The following GDPD4 variants were observed in gnomAD, a reference collection of about 807,000 sequenced individuals.
GDPD4 encodes the protein glycerophosphodiester phosphodiesterase 6.
A neutral mutation model predicts 67.8 loss-of-function variants in GDPD4; 60 were observed. The ratio of observed to expected loss-of-function variants is 0.88; its 90% CI spans 0.72 to 1.10. The LOEUF is 1.10. Among genes scored for constraint, GDPD4 ranks in the 50% least tolerant of loss-of-function variants. The pLI is 0.00. For missense variants in GDPD4, 623 were observed against 613.9 expected (o/e 1.01, Z -0.16); for synonymous variants, 212 against 210.9 (o/e 1.00, Z -0.04).
chr11:77,224,435 A>ATAGAT (rs1166657000), intron 16 of GDPD4: 2 of 152,188 alleles, frequency 1.3e-5, no homozygotes, highest in Non-Finnish European at 2.9e-5. Context: ...AGACTTCATC[A>ATAGAT]TAGATTACAC....
intron 11 of GDPD4, 67 bp downstream of exon 11, chr11:77,258,319 C>G (rs1221709409): frequency 6.8e-7 from 1 of 1,460,250 alleles, no homozygotes; most frequent in African/African-American, 1.4e-5. Context: ...CCTTTATTTT[C>G]AGGAGCAGCA....
At chr11:77,280,282 T>G (rs535301059) in intron 3 of GDPD4, among the ~76,000 whole-genome samples, 10 of 151,212 alleles carry the variant, frequency 6.6e-5, no homozygotes, top group Admixed American at 1.3e-4. Flanking sequence ...ATTAATAGAA[T>G]CAGAAAAGAG....
At chr11:77,259,115 A>G (rs534279533) in intron 10 of GDPD4, among the ~76,000 whole-genome samples, 1 of 152,282 alleles carries the variant, frequency 6.6e-6, no homozygotes, top group Non-Finnish European at 1.5e-5. Context: ...AGTAGCTGAG[A>G]CTACAGGCAT....
intron 16 of GDPD4, among the ~76,000 whole-genome samples, chr11:77,218,620 A>G (rs1172476141): frequency 1.3e-5 from 2 of 152,022 alleles, no homozygotes; most frequent in Non-Finnish European, 2.9e-5. Context: ...ATTCCCTCCT[A>G]TGAGTGAGAA....
rs1240640402 is a variant in GDPD4, at chr11:77,287,316, G to C, written c.-149C>G. 6.6e-6 allele frequency: 1 copy of C among 152,198 alleles called. No individual in the cohort carries two copies. Among genetic ancestry groups the C allele is most frequent in the African/African-American group, 2.4e-5 (1 of 41,444 alleles). 9.4% of individuals were successfully genotyped at this position (152,198 alleles called of 1,614,324 possible). A position where few individuals can be genotyped will look rare whatever the true frequency, so the allele number is the denominator to read the frequency against. On this transcript the variant is annotated 5_prime_UTR_variant, in exon 2 of 17. Coordinates refer to ENST00000315938, the MANE Select transcript of GDPD4 (RefSeq NM_182833.3). The stretch of plus-strand genomic sequence containing the variant: ...GTAAGGAAGGTGACAAAGCATTTGT[G>C]GTTGAAGATGCGTGGAATCCATGGA...
chr11:77,251,910 TG>T (rs1172129620), intron 11 of GDPD4, among the ~76,000 whole-genome samples: 1 of 152,124 alleles, frequency 6.6e-6, no homozygotes, highest in African/African-American at 2.4e-5. Context: ...TTTTCTCCTC[TG>T]GGTAATTTTC....
chr11:77,252,065 G>C (rs7394558), intron 11 of GDPD4, among the ~76,000 whole-genome samples: 1 of 127,432 alleles, frequency 7.8e-6, no homozygotes, highest in Non-Finnish European at 1.6e-5. Flanking sequence ...TTTTTTTTTT[G>C]TTTTTTTTTT....
At position 77,229,205 on chromosome 11, in the gene GDPD4, G is replaced by A. The variant is rs1958406384; in HGVS notation, c.1417C>T (p.Leu473Phe). The A allele has an allele frequency of 1.2e-6, 2 of 1,609,196 alleles. No homozygotes were observed. Among genetic ancestry groups the A allele is most frequent in the Non-Finnish European group, 1.7e-6 (2 of 1,176,838 alleles). ...MTPKFYVFMW[L>F]LADIISVLFI... is the part of the protein sequence containing the mutation. ...AGCACAGAAATGATATCTGCAAGGA[G>A]CCACATGAACACATAGAACTTTGGT... The change falls in exon 15 of 17, where the codon CTC becomes TTC. Residue 473 changes from leucine (L) to phenylalanine (F), a missense_variant. By Grantham distance (22) the Leu-to-Phe change is conservative. Coordinates refer to ENST00000315938, the MANE Select transcript of GDPD4 (RefSeq NM_182833.3).
chr11:77,218,545 C>A (rs1958168831), intron 16 of GDPD4, among the ~76,000 whole-genome samples: 3 of 152,102 alleles, frequency 2.0e-5, no homozygotes, highest in Non-Finnish European at 2.9e-5. Flanking sequence ...CCCCATACCC[C>A]CACCCCACGA....
rs1958129461 is a variant in GDPD4 at position 77,216,817 on chromosome 11, G to GGGA, written c.*457_*459dup. 1.6e-6 allele frequency: 1 copy of GGGA among 610,624 alleles called. No homozygotes were observed. The allele number at this position is 610,624 out of a possible 1,614,324, so 37.8% of individuals were successfully genotyped here. A position where few individuals can be genotyped will look rare whatever the true frequency, so the allele number is the denominator to read the frequency against. On this transcript the variant is annotated 3_prime_UTR_variant, in exon 17 of 17. Transcript: ENST00000315938. ...CTTAGGCAGAGAGAGGAAGAAGCAG[G>GGGA]GGAGATGTGGCTAATTCTTCTTTGG...
intron 10 of GDPD4, among the ~76,000 whole-genome samples, chr11:77,263,606 T>C (rs1959161082): frequency 6.6e-6 from 1 of 152,134 alleles, no homozygotes; most frequent in African/African-American, 2.4e-5. Context: ...GCAAGATAAA[T>C]ACTATTTTAA....
chr11:77,236,867 G>T (rs975554529), intron 13 of GDPD4, among the ~76,000 whole-genome samples: 2 of 152,180 alleles, frequency 1.3e-5, no homozygotes, highest in African/African-American at 4.8e-5. Context: ...GTTGCTGCCA[G>T]AAGAAAGAAG....
chr11:77,293,966 G>C (rs147510441), intron 1 of GDPD4, among the ~76,000 whole-genome samples: 157 of 152,234 alleles, frequency 1.0e-3, no homozygotes, highest in Admixed American at 3.3e-3. Context: ...TCTATTTGCA[G>C]ACAACAATAT....
rs546902401 is a variant in GDPD4, at chr11:77,292,542, AG to A, written c.-253-5123del. ...ATCAATAACCTCAATTTCCATCTTTAGACAATCAGTAAAAGTGGAGCAAATT... is the reference window on the plus strand; with the variant it reads ...ATCAATAACCTCAATTTCCATCTTTAACAATCAGTAAAAGTGGAGCAAATT... On this transcript the variant is annotated intron_variant, in intron 1 of 16. Transcript: ENST00000315938. Among the ~76,000 whole-genome samples, 39 of 152,340 alleles carry A rather than the reference AG, an allele frequency of 2.6e-4. No homozygotes were observed. The South Asian group carries it at 8.1e-3, about 32-fold the overall frequency.
At position 77,268,675 on chromosome 11, in the gene GDPD4, T is replaced by C. The variant is rs1959190630; in HGVS notation, c.625-136A>G. 4 of 770,852 alleles carry C rather than the reference T, an allele frequency of 5.2e-6. No individual in the cohort carries two copies. In the South Asian group the frequency reaches 6.6e-5, roughly 13 times the overall value. 47.8% of individuals were successfully genotyped at this position (770,852 alleles called of 1,614,324 possible). A position where few individuals can be genotyped will look rare whatever the true frequency, so the allele number is the denominator to read the frequency against. The stretch of plus-strand genomic sequence containing the variant: ...CTGAGATCTCCTTTCAAAACCTGTA[T>C]ACCCTCCGTCCAAGCTGATTCTGGG... On this transcript the variant is annotated intron_variant, in intron 9 of 16. Transcript: ENST00000315938.
intron 16 of GDPD4, among the ~76,000 whole-genome samples, chr11:77,219,350 G>T (rs539057027): frequency 1.3e-5 from 2 of 152,240 alleles, no homozygotes; most frequent in South Asian, 4.2e-4. Context: ...CACTCCGATG[G>T]CAGTTTGTTT....
intron 10 of GDPD4, among the ~76,000 whole-genome samples, chr11:77,261,527 C>CA (rs1180562309): frequency 6.6e-6 from 1 of 152,190 alleles, no homozygotes; most frequent in Admixed American, 6.5e-5. Flanking sequence ...CTTGAGCCAC[C>CA]ACGCCCAGCC....
At chr11:77,246,925 T>C (rs1555118097) in intron 11 of GDPD4, among the ~76,000 whole-genome samples, 2 of 152,200 alleles carry the variant, frequency 1.3e-5, no homozygotes. Flanking sequence ...AAGGCAGTGA[T>C]AAAAGGCTAC....
intron 15 of GDPD4, among the ~76,000 whole-genome samples, chr11:77,228,524 A>G (rs994677493): frequency 6.8e-6 from 1 of 147,426 alleles, no homozygotes; most frequent in African/African-American, 2.5e-5. Context: ...AAAAAAAAAA[A>G]AAAATTAGCC....
Sources: gnomAD v4.1 joint callset for allele counts (sites outside exome capture counted in the v4.1 genomes callset) on GRCh38, gnomAD v4.1.1 for gene constraint, MANE v1.5 for transcripts, NCBI Gene and HGNC (gene_info 2026-07-23, HGNC 2026-07-21) for gene names.